The following USP43 variants were observed in gnomAD, a reference collection of about 807,000 sequenced individuals.
USP43 encodes ubiquitin specific peptidase 43.
USP43 carries 33 observed loss-of-function variants against 90.7 expected under a neutral mutation model. The observed-to-expected ratio is 0.36, with a 90% CI of 0.28 to 0.49. USP43 has a LOEUF of 0.49. Ranked by LOEUF, USP43 falls within the 20% of genes least tolerant of loss-of-function variation. The pLI, the probability that USP43 is intolerant of heterozygous loss-of-function variation, is 0.98. For missense variants in USP43, 1,274 were observed against 1,476.4 expected (o/e 0.86, Z 2.25); for synonymous variants, 598 against 615.8 (o/e 0.97, Z 0.43).
intron 2 of USP43, among the ~76,000 whole-genome samples, chr17:9,665,271 T>C (rs971116680): frequency 6.6e-6 from 1 of 152,158 alleles, no homozygotes; most frequent in African/African-American, 2.4e-5. Context: ...CTTGTAGATG[T>C]TGTCTGTATT....
intron 2 of USP43, among the ~76,000 whole-genome samples, chr17:9,661,784 C>T (rs1191510684): frequency 7.1e-6 from 1 of 140,898 alleles, no homozygotes; most frequent in Non-Finnish European, 1.5e-5. Flanking sequence ...CTGCCCCTCA[C>T]TCCAGCCTCT....
chr17:9,662,090 T>G (rs576478115), intron 2 of USP43, among the ~76,000 whole-genome samples: 29 of 152,132 alleles, frequency 1.9e-4, no homozygotes, highest in Non-Finnish European at 4.0e-4. Flanking sequence ...ACAAATGTTT[T>G]CAGTCTTTGG....
intron 1 of USP43, among the ~76,000 whole-genome samples, chr17:9,650,318 C>A (rs899266421): frequency 6.6e-6 from 1 of 152,078 alleles, no homozygotes; most frequent in African/African-American, 2.4e-5. Flanking sequence ...GTGAAATGTA[C>A]CCATTATAAG....
At chr17:9,655,559 G>A (rs1184058081) in intron 1 of USP43, among the ~76,000 whole-genome samples, 1 of 152,202 alleles carries the variant, frequency 6.6e-6, no homozygotes, top group East Asian at 1.9e-4. Context: ...AATGACAAAG[G>A]TGCTACACAA....
intron 12 of USP43, among the ~76,000 whole-genome samples, chr17:9,703,187 T>A (rs1780716121): frequency 1.3e-5 from 2 of 152,092 alleles, no homozygotes; most frequent in Non-Finnish European, 2.9e-5. Context: ...ATTTTTTTTT[T>A]TTTTTACTAA....
At chr17:9,685,126 A>G (rs1914526325) in intron 7 of USP43, among the ~76,000 whole-genome samples, 1 of 152,228 alleles carries the variant, frequency 6.6e-6, no homozygotes, top group South Asian at 2.1e-4. Flanking sequence ...ATCTGTCCAT[A>G]CAACAATGGA....
In USP43 at chr17:9,666,883, C is replaced by T. The variant is rs1597827386; in HGVS notation, c.740+132C>T. 7 of 700,434 alleles carry T rather than the reference C, an allele frequency of 1.0e-5. No homozygotes were observed. The East Asian group carries it at 1.9e-4, about 19-fold the overall frequency. 43.4% of individuals were successfully genotyped at this position (700,434 alleles called of 1,614,324 possible). A position where few individuals can be genotyped will look rare whatever the true frequency, so the allele number is the denominator to read the frequency against. Reference sequence around the variant, plus strand: ...AAACCACAAACACCCTTCTCTCTCCCATTATAAATCCTGATTAAGCACACA... The same window carrying T: ...AAACCACAAACACCCTTCTCTCTCCTATTATAAATCCTGATTAAGCACACA... On this transcript the variant is annotated intron_variant, in intron 3 of 14. Transcript: ENST00000285199.
intron 6 of USP43, among the ~76,000 whole-genome samples, chr17:9,682,076 T>C (rs191700317): frequency 3.9e-5 from 6 of 152,304 alleles, no homozygotes; most frequent in Admixed American, 3.9e-4. Context: ...TGATTGCAAA[T>C]GGAGGCTAGT....
rs1913667316 is a variant in USP43, at chr17:9,674,948, G to A, written c.798G>A (p.Leu266=). The part of the protein sequence containing the change: ...LKQSNTFDPF[L]CVSLPIPLRQ... ...AGAGCAACACCTTTGATCCTTTCCT[G>A]TGTGTGTCCCTACCTATCCCCTTGC... is the stretch of plus-strand genomic sequence containing the variant. The change falls in exon 4 of 15, where the codon CTG becomes CTA. Residue 266 remains leucine, a synonymous_variant. Transcript: ENST00000285199. The surrounding 1 kb of genome is among the most constrained non-coding windows in gnomAD (Gnocchi z 4.4). 1.2e-6 allele frequency: 2 copies of A among 1,613,900 alleles called. No homozygotes were observed. Among genetic ancestry groups the A allele is most frequent in the Admixed American group, 1.7e-5 (1 of 59,994 alleles).
chr17:9,652,518 C>G (rs887213209), intron 1 of USP43, among the ~76,000 whole-genome samples: 47 of 151,984 alleles, frequency 3.1e-4, no homozygotes, highest in African/African-American at 1.0e-3. Flanking sequence ...CCCGCCACCA[C>G]GTCCGGCTAA....
intron 14 of USP43, among the ~76,000 whole-genome samples, chr17:9,723,101 G>A (rs1428158373): frequency 1.3e-5 from 2 of 152,186 alleles, no homozygotes; most frequent in South Asian, 2.1e-4. Flanking sequence ...CTGGTTGCAC[G>A]ACTCTTGAGT....
chr17:9,700,731 C>T (rs1465750426), intron 10 of USP43, among the ~76,000 whole-genome samples: 1 of 152,182 alleles, frequency 6.6e-6, no homozygotes, highest in African/African-American at 2.4e-5. Context: ...AACCCAGACC[C>T]TCTGACTGGA....
At chr17:9,658,405 A>G (rs1912411276) in intron 2 of USP43, among the ~76,000 whole-genome samples, 1 of 152,204 alleles carries the variant, frequency 6.6e-6, no homozygotes, top group Non-Finnish European at 1.5e-5. Flanking sequence ...TGGTCCATGT[A>G]TCAGAGAGAT....
intron 12 of USP43, among the ~76,000 whole-genome samples, chr17:9,708,651 G>A (rs529805105): frequency 4.5e-4 from 69 of 152,158 alleles, no homozygotes; most frequent in African/African-American, 1.5e-3. Context: ...TTTTTGAGAC[G>A]GAGTCTCACT....
At chr17:9,720,595 T>C (rs1339762160) in intron 14 of USP43, among the ~76,000 whole-genome samples, 3 of 151,842 alleles carry the variant, frequency 2.0e-5, no homozygotes, top group Non-Finnish European at 4.4e-5. Context: ...TTCAAGCAAT[T>C]CTCCTGCCTC....
At chr17:9,670,624 A>G (rs1913349480) in intron 3 of USP43, among the ~76,000 whole-genome samples, 1 of 152,020 alleles carries the variant, frequency 6.6e-6, no homozygotes, top group South Asian at 2.1e-4. Flanking sequence ...GGGTTTTTCT[A>G]TGATTATAAC....
At chr17:9,659,058 G>A (rs970404544) in intron 2 of USP43, among the ~76,000 whole-genome samples, 1 of 152,180 alleles carries the variant, frequency 6.6e-6, no homozygotes, top group Admixed American at 6.5e-5. Flanking sequence ...GGGGGTGAAC[G>A]TGGGCCAAGG....
At chr17:9,699,385 T>C (rs1231969977) in intron 9 of USP43, among the ~76,000 whole-genome samples, 1 of 152,182 alleles carries the variant, frequency 6.6e-6, no homozygotes, top group Non-Finnish European at 1.5e-5. Context: ...GTGCCACAAC[T>C]CCAGCTCAGA....
intron 2 of USP43, among the ~76,000 whole-genome samples, chr17:9,660,196 G>T (rs146427177): frequency 6.6e-6 from 1 of 152,154 alleles, no homozygotes; most frequent in African/African-American, 2.4e-5. Context: ...TGTTGCCCAG[G>T]TTGGAGTGCA....
Sources: gnomAD v4.1 joint callset for allele counts (sites outside exome capture counted in the v4.1 genomes callset) on GRCh38, gnomAD v4.1.1 for gene constraint, Gnocchi (gnomAD v3.1) non-coding constraint, MANE v1.5 for transcripts, NCBI Gene and HGNC (gene_info 2026-07-23, HGNC 2026-07-21) for gene names.